Variants in EIPR1 observed in about 807,000 individuals in gnomAD.
EIPR1 encodes EARP complex and GARP complex interacting protein 1.
A neutral mutation model predicts 48.1 loss-of-function variants in EIPR1; 25 were observed. The observed-to-expected ratio is 0.52, with a 90% CI of 0.38 to 0.73. EIPR1 has a LOEUF of 0.73. Ranked by LOEUF, EIPR1 falls within the 30% of genes least tolerant of loss-of-function variation. The pLI, the probability that EIPR1 is intolerant of heterozygous loss-of-function variation, is 0.00. For missense variants in EIPR1, 415 were observed against 506.2 expected, an observed-to-expected ratio of 0.82 and a Z score of 1.73; for synonymous variants, 204 against 201.9, an observed-to-expected ratio of 1.01 and a Z score of -0.09.
At chr2:3,250,905 T>C (rs2103207793) in intron 4 of EIPR1, among the ~76,000 whole-genome samples, 1 of 152,312 alleles carries the variant, frequency 6.6e-6, no homozygotes, top group South Asian at 2.1e-4. Context: ...GGTACCATGC[T>C]TATATAGCCT....
chr2:3,366,781 G>A (rs368263210), intron 1 of EIPR1, among the ~76,000 whole-genome samples: 52 of 152,302 alleles, frequency 3.4e-4, no homozygotes, highest in East Asian at 1.9e-3. Context: ...CTGGCCGGGC[G>A]CGGTGGCTCA....
rs2103125238 is a variant in EIPR1 at position 3,208,299 on chromosome 2, A to G, written c.516+5850T>C. On this transcript the variant is annotated intron_variant, in intron 5 of 8. Coordinates refer to ENST00000382125, the MANE Select transcript of EIPR1 (RefSeq NM_003310.5). ...GTTATCTGAGAACCTCACAGACCTGAAGGAGGACAGGAGAGGTCTGGGCAG... is the reference window on the plus strand; with the variant it reads ...GTTATCTGAGAACCTCACAGACCTGGAGGAGGACAGGAGAGGTCTGGGCAG... 3 of 577,072 alleles carry G rather than the reference A, an allele frequency of 5.2e-6. No homozygotes were observed. In the Admixed American group the frequency reaches 1.0e-4, roughly 20 times the overall value. The allele number at this position is 577,072 out of a possible 1,614,324, so 35.7% of individuals were successfully genotyped here. A position where few individuals can be genotyped will look rare whatever the true frequency, so the allele number is the denominator to read the frequency against.
intron 2 of EIPR1, among the ~76,000 whole-genome samples, chr2:3,338,554 G>C (rs947042374): frequency 2.0e-5 from 3 of 152,218 alleles, no homozygotes; most frequent in African/African-American, 7.2e-5. Flanking sequence ...GGCAGGCGCA[G>C]CAGGGCACGA....
intron 3 of EIPR1, among the ~76,000 whole-genome samples, chr2:3,287,447 C>T (rs748352662): frequency 2.5e-4 from 36 of 144,496 alleles, no homozygotes; most frequent in Non-Finnish European, 4.5e-4. Flanking sequence ...ATCCAGAAAG[C>T]GCGTTCACCA....
At chr2:3,318,784 T>C (rs62121538) in intron 3 of EIPR1, 85,560 of 459,152 alleles carry the variant, frequency 0.19, 8,366 homozygotes, top group Non-Finnish European at 0.21. Flanking sequence ...GGTGACGTGC[T>C]ACTCCTCGAT....
At chr2:3,258,344 GC>G (rs1667228290) in intron 3 of EIPR1, among the ~76,000 whole-genome samples, 1 of 152,110 alleles carries the variant, frequency 6.6e-6, no homozygotes, top group African/African-American at 2.4e-5. Flanking sequence ...TTCAGAATTT[GC>G]TTTCCATTTA....
intron 1 of EIPR1, among the ~76,000 whole-genome samples, chr2:3,374,236 G>T (rs1659796467): frequency 6.6e-6 from 1 of 151,836 alleles, no homozygotes; most frequent in East Asian, 1.9e-4. Context: ...ATTCAAGATG[G>T]AATAAAGACT....
At chr2:3,331,154 TGA>T in intron 3 of EIPR1, among the ~76,000 whole-genome samples, 1 of 113,338 alleles carries the variant, frequency 8.8e-6, no homozygotes, top group Non-Finnish European at 2.0e-5. Context: ...TGCACACTCA[TGA>T]GATGGTGTGA....
At chr2:3,199,072 GCCCC>G (rs1437296296) in intron 5 of EIPR1, among the ~76,000 whole-genome samples, 11 of 24,408 alleles carry the variant, frequency 4.5e-4, no homozygotes, top group Admixed American at 8.2e-4. Flanking sequence ...CCCCCCCCCC[GCCCC>G]GGGAATGCAT....
chr2:3,352,351 C>T (rs1283534667), intron 2 of EIPR1, among the ~76,000 whole-genome samples: 2 of 151,190 alleles, frequency 1.3e-5, no homozygotes, highest in Non-Finnish European at 2.9e-5. Context: ...ACAGAAGCTA[C>T]CTGCCCCTGA....
chr2:3,241,875 T>A (rs1445179207), intron 4 of EIPR1, among the ~76,000 whole-genome samples: 1 of 152,206 alleles, frequency 6.6e-6, no homozygotes, highest in Non-Finnish European at 1.5e-5. Flanking sequence ...ACTTTTCTTC[T>A]TCAAATAAGT....
chr2:3,327,034 C>A (rs60533668), intron 3 of EIPR1, among the ~76,000 whole-genome samples: 31,043 of 152,182 alleles, frequency 0.2, 4,959 homozygotes, highest in East Asian at 0.58. Context: ...CTGCCGGGGG[C>A]TTCCAGTCAG....
intron 2 of EIPR1, among the ~76,000 whole-genome samples, chr2:3,351,462 T>C (rs1670576546): frequency 6.6e-6 from 1 of 152,224 alleles, no homozygotes; most frequent in Non-Finnish European, 1.5e-5. Flanking sequence ...GTTGAATTCC[T>C]GGGTTTCTGC....
chr2:3,193,988 A>T lies in EIPR1; in HGVS notation c.821+11T>A. The T allele has an allele frequency of 6.2e-7, 1 of 1,613,010 alleles. No individual in the cohort carries two copies. The highest frequency in any genetic ancestry group is 2.2e-5 in the East Asian group (1 of 44,870). Reference sequence around the variant, plus strand: ...TCCCCTCCTCCCTGAAGCAGCCAGGAGCGGCCCTACCAGTGGGAGTGCTCC... The same window carrying T: ...TCCCCTCCTCCCTGAAGCAGCCAGGTGCGGCCCTACCAGTGGGAGTGCTCC... On this transcript the variant is annotated intron_variant, in intron 7 of 8. Transcript: ENST00000382125.
In EIPR1 at chr2:3,284,437, G is replaced by A. The variant is rs1668115409; in HGVS notation, c.260-26982C>T. 3.3e-5 allele frequency among the ~76,000 whole-genome samples: 4 copies of A among 120,358 alleles called. No homozygotes were observed. In the South Asian group the frequency reaches 1.1e-3, roughly 34 times the overall value. 79.0% of individuals were successfully genotyped at this position (120,358 alleles called of 152,430 possible). ...GAGATGGGGCCGGAGGCCACCCACA[G>A]GCACAGAAGGCCGCGCCACGGCTGC... On this transcript the variant is annotated intron_variant, in intron 3 of 8. Coordinates refer to ENST00000382125, the MANE Select transcript of EIPR1 (RefSeq NM_003310.5).
intron 2 of EIPR1, among the ~76,000 whole-genome samples, chr2:3,341,885 T>C (rs1670262117): frequency 6.6e-6 from 1 of 152,172 alleles, no homozygotes; most frequent in African/African-American, 2.4e-5. Flanking sequence ...AACAAATACA[T>C]GAAGAAAATT....
At chr2:3,232,072 T>A (rs1450920688) in intron 4 of EIPR1, among the ~76,000 whole-genome samples, 2 of 152,222 alleles carry the variant, frequency 1.3e-5, no homozygotes, top group Non-Finnish European at 2.9e-5. Flanking sequence ...AGGTTGTATG[T>A]TTCCTCTATT....
chr2:3,348,719 CA>C (rs1670477411), intron 2 of EIPR1, among the ~76,000 whole-genome samples: 1 of 152,222 alleles, frequency 6.6e-6, no homozygotes, highest in South Asian at 2.1e-4. Context: ...AGGTACCGGG[CA>C]TTTTCCAGGG....
At chr2:3,302,589 G>A (rs181483480) in intron 3 of EIPR1, among the ~76,000 whole-genome samples, 126 of 152,346 alleles carry the variant, frequency 8.3e-4, no homozygotes, top group African/African-American at 2.9e-3. Context: ...GCGACAGGCC[G>A]GATGAAGACA....
Sources: gnomAD v4.1 joint callset for allele counts (sites outside exome capture counted in the v4.1 genomes callset) on GRCh38, gnomAD v4.1.1 for gene constraint, MANE v1.5 for transcripts, NCBI Gene and HGNC (gene_info 2026-07-23, HGNC 2026-07-21) for gene names.